Variants in VSTM2B observed in about 807,000 individuals in gnomAD.
The protein encoded by VSTM2B is V-set and transmembrane domain-containing protein 2B.
A neutral mutation model predicts 24.0 loss-of-function variants in VSTM2B; 24 were observed. That is an observed-to-expected ratio of 1.00 (90% CI 0.72 to 1.40). The LOEUF (loss-of-function observed/expected upper bound fraction) is 1.40, where lower values mean the gene tolerates loss of function less well. VSTM2B is among the 40% of genes most tolerant of loss of function. The pLI is 0.00. For synonymous variants in VSTM2B, 226 were observed against 194.4 expected, an observed-to-expected ratio of 1.16 and a Z score of -1.35; for missense variants, 399 against 416.4, an observed-to-expected ratio of 0.96 and a Z score of 0.36.
intron 4 of VSTM2B, among the ~76,000 whole-genome samples, chr19:29,538,981 A>T (rs1471887182): frequency 2.0e-5 from 3 of 152,130 alleles, no homozygotes; most frequent in Non-Finnish European, 4.4e-5. Context: ...GGAGCTCAGA[A>T]ACAGAAAGGG....
At chr19:29,541,822 T>G (rs964032510) in intron 4 of VSTM2B, among the ~76,000 whole-genome samples, 1 of 151,178 alleles carries the variant, frequency 6.6e-6, no homozygotes, top group Admixed American at 6.6e-5. Context: ...GGAGAATGAA[T>G]GGATGGGTAG....
chr19:29,551,963 T>C (rs898726506), intron 4 of VSTM2B, among the ~76,000 whole-genome samples: 5 of 152,348 alleles, frequency 3.3e-5, no homozygotes, highest in African/African-American at 1.2e-4. Context: ...CTCTGGGCCT[T>C]GCCTTGTAGG....
At chr19:29,552,810 G>A (rs1970316894) in intron 4 of VSTM2B, among the ~76,000 whole-genome samples, 1 of 152,204 alleles carries the variant, frequency 6.6e-6, no homozygotes, top group Non-Finnish European at 1.5e-5. Flanking sequence ...GGACCCAGGA[G>A]GAATTCCCCA....
Position 29,529,062 on chromosome 19 carries a change from A to C in VSTM2B, c.297+600A>C, listed in dbSNP as rs905282761. On this transcript the variant is annotated intron_variant, in intron 3 of 4. Transcript: ENST00000335523. The stretch of plus-strand genomic sequence containing the variant: ...CCACCTGGAGCGTAGAAAGGCCTGG[A>C]GATGACGAAGCCTCCTCGTGGGCTC... 9 of 985,290 alleles carry C rather than the reference A, an allele frequency of 9.1e-6. No individual in the cohort carries two copies. In the African/African-American group the frequency reaches 1.6e-4, roughly 17 times the overall value. 61.0% of individuals were successfully genotyped at this position (985,290 alleles called of 1,614,324 possible).
rs144054537 is a variant in VSTM2B, at chr19:29,563,468, C to G, written c.770-378C>G. On this transcript the variant is annotated intron_variant, in intron 4 of 4. Coordinates refer to ENST00000335523, the MANE Select transcript of VSTM2B (RefSeq NM_001146339.2). Reference sequence around the variant, plus strand: ...ATGTTGCCCAGGCTGGTCTCAAGCTCCTGGGCTCAAGTGATCCTCCAGCCT... The same window carrying G: ...ATGTTGCCCAGGCTGGTCTCAAGCTGCTGGGCTCAAGTGATCCTCCAGCCT... Among the ~76,000 whole-genome samples, 773 of 152,122 alleles carry G rather than the reference C, an allele frequency of 5.1e-3. 7 individuals are homozygous for G. Among genetic ancestry groups the G allele is most frequent in the African/African-American group, 0.018 (735 of 41,494 alleles).
chr19:29,543,413 C>T (rs1457332208), intron 4 of VSTM2B, among the ~76,000 whole-genome samples: 1 of 152,202 alleles, frequency 6.6e-6, no homozygotes, highest in African/African-American at 2.4e-5. Flanking sequence ...AAAGAAAAGT[C>T]CTCACTGTGA....
chr19:29,550,634 C>A (rs1485865582), intron 4 of VSTM2B, among the ~76,000 whole-genome samples: 1 of 152,104 alleles, frequency 6.6e-6, no homozygotes, highest in African/African-American at 2.4e-5. Context: ...TCTCTAGTGG[C>A]TGCCTGTACT....
At chr19:29,560,824 C>A (rs1599911966) in intron 4 of VSTM2B, among the ~76,000 whole-genome samples, 2 of 152,308 alleles carry the variant, frequency 1.3e-5, no homozygotes, top group South Asian at 4.1e-4. Context: ...AATCTCCATG[C>A]CAACGGTCCC....
intron 3 of VSTM2B, 142 bp from the exon 4 acceptor site, chr19:29,529,677 A>G: frequency 1.2e-6 from 1 of 834,758 alleles, no homozygotes; most frequent in South Asian, 1.7e-5. Context: ...CGCGGGTGAA[A>G]GGGAAGCCGG....
At chr19:29,550,345 G>A (rs1233354653) in intron 4 of VSTM2B, among the ~76,000 whole-genome samples, 2 of 152,216 alleles carry the variant, frequency 1.3e-5, no homozygotes, top group Non-Finnish European at 2.9e-5. Context: ...TGAGGCAGGA[G>A]AATCACTTGA....
chr19:29,539,943 G>C (rs1329114740), intron 4 of VSTM2B, among the ~76,000 whole-genome samples: 1 of 152,232 alleles, frequency 6.6e-6, no homozygotes, highest in East Asian at 1.9e-4. Flanking sequence ...TAATCGTATA[G>C]CTCTAGAGAC....
chr19:29,561,859 T>C lies in VSTM2B; in HGVS notation c.770-1987T>C, dbSNP rs78382493. ...CCTGACAGCAAAGAATGAGAGCAGA[T>C]TGGAGTCTTTGCAGTGACAAACGCA... On this transcript the variant is annotated intron_variant, in intron 4 of 4. Transcript: ENST00000335523. Among the ~76,000 whole-genome samples, 613 of 152,208 alleles carry C rather than the reference T, an allele frequency of 4.0e-3. 14 individuals carry two copies. The East Asian group carries it at 0.061, about 15-fold the overall frequency.
intron 4 of VSTM2B, among the ~76,000 whole-genome samples, chr19:29,549,796 A>G (rs1283061505): frequency 2.0e-5 from 3 of 152,224 alleles, no homozygotes; most frequent in East Asian, 1.9e-4. Flanking sequence ...AATTCCTTGT[A>G]CACTGGCCCC....
At position 29,557,124 on chromosome 19, in the gene VSTM2B, T is replaced by C. The variant is rs759939334; in HGVS notation, c.770-6722T>C. On this transcript the variant is annotated intron_variant, in intron 4 of 4. Coordinates refer to ENST00000335523, the MANE Select transcript of VSTM2B (RefSeq NM_001146339.2). ...AGCTGGAGGCATCATGCTACCTGAC[T>C]TCAAACTATACTACAGGGCTACAGT... is the stretch of plus-strand genomic sequence containing the variant. 6.6e-4 allele frequency among the ~76,000 whole-genome samples: 101 copies of C among 152,170 alleles called. 1 individual carries two copies. Among genetic ancestry groups the C allele is most frequent in the Non-Finnish European group, 2.2e-4 (15 of 68,028 alleles).
intron 4 of VSTM2B, among the ~76,000 whole-genome samples, chr19:29,534,558 CA>C (rs1217241665): frequency 6.6e-6 from 1 of 151,886 alleles, no homozygotes; most frequent in Non-Finnish European, 1.5e-5. Context: ...CTACTAAAAA[CA>C]CAAAAAATTA....
intron 4 of VSTM2B, among the ~76,000 whole-genome samples, chr19:29,546,091 C>T (rs1970148483): frequency 6.6e-6 from 1 of 151,998 alleles, no homozygotes; most frequent in Admixed American, 6.6e-5. Context: ...AGATTCAGAG[C>T]TGTATTGGAG....
Position 29,529,031 on chromosome 19 carries a change from A to G in VSTM2B, c.297+569A>G, listed in dbSNP as rs182298785. On this transcript the variant is annotated intron_variant, in intron 3 of 4. Coordinates refer to ENST00000335523, the MANE Select transcript of VSTM2B (RefSeq NM_001146339.2). Reference sequence around the variant, plus strand: ...CTAACTCTGGGAGGAGATGCGCCCAAGCTTCCCACCTGGAGCGTAGAAAGG... The same window carrying G: ...CTAACTCTGGGAGGAGATGCGCCCAGGCTTCCCACCTGGAGCGTAGAAAGG... 1.3e-3 allele frequency: 1,247 copies of G among 985,438 alleles called. 20 individuals are homozygous for G. The African/African-American group carries it at 0.02, about 16-fold the overall frequency. The allele number at this position is 985,438 out of a possible 1,614,324, so 61.0% of individuals were successfully genotyped here.
chr19:29,536,977 T>C (rs1420220462), intron 4 of VSTM2B, among the ~76,000 whole-genome samples: 1 of 152,144 alleles, frequency 6.6e-6, no homozygotes, highest in Non-Finnish European at 1.5e-5. Context: ...GCCAGCATGG[T>C]TTTAAGACAT....
chr19:29,556,275 G>C (rs189807821), intron 4 of VSTM2B, among the ~76,000 whole-genome samples: 2 of 152,118 alleles, frequency 1.3e-5, no homozygotes, highest in Admixed American at 6.5e-5. Flanking sequence ...CAGAACGAAA[G>C]ACCAAAACCA....
Sources: gnomAD v4.1 joint callset for allele counts (sites outside exome capture counted in the v4.1 genomes callset) on GRCh38, gnomAD v4.1.1 for gene constraint, MANE v1.5 for transcripts, NCBI Gene and HGNC (gene_info 2026-07-23, HGNC 2026-07-21) for gene names.